Variants in KIAA0319L observed in about 807,000 individuals in gnomAD.
The protein encoded by KIAA0319L is dyslexia-associated protein KIAA0319-like protein.
Under a neutral mutation model 120.1 loss-of-function variants are expected in KIAA0319L, and 55 were observed. That is an observed-to-expected ratio of 0.46 (90% CI 0.37 to 0.57). The LOEUF is 0.57. Among genes scored for constraint, KIAA0319L ranks in the 20% least tolerant of loss-of-function variants. The pLI, the probability that KIAA0319L is intolerant of heterozygous loss-of-function variation, is 0.00. For missense variants in KIAA0319L, 1,049 were observed against 1,255.3 expected (o/e 0.84, Z 2.48); for synonymous variants, 398 against 471.9 (o/e 0.84, Z 2.03).
At chr1:35,545,114 G>A (rs149226107) in intron 2 of KIAA0319L, among the ~76,000 whole-genome samples, 10 of 152,114 alleles carry the variant, frequency 6.6e-5, no homozygotes, top group Non-Finnish European at 1.3e-4. Flanking sequence ...CCAGTCCGTG[G>A]CTAGACTACA....
At chr1:35,448,361 TTAGAAG>T (rs759375071) in intron 15 of KIAA0319L, 29 bp from the exon 16 acceptor site, 10 of 1,604,814 alleles carry the variant, frequency 6.2e-6, no homozygotes, top group Middle Eastern at 1.7e-4. Flanking sequence ...AGTCATGGCT[TTAGAAG>T]TAGGAGAGTA....
intron 3 of KIAA0319L, among the ~76,000 whole-genome samples, chr1:35,490,151 C>T (rs534063990): frequency 5.6e-4 from 85 of 152,282 alleles, no homozygotes; most frequent in Non-Finnish European, 1.1e-3. Context: ...CCCTGTAGTT[C>T]TCTTGATTAC....
chr1:35,486,175 G>A (rs895008008), intron 3 of KIAA0319L, among the ~76,000 whole-genome samples: 26 of 152,132 alleles, frequency 1.7e-4, no homozygotes, highest in South Asian at 2.1e-4. Context: ...CTGAGCCCAC[G>A]AGTTTTTCAA....
chr1:35,554,361 C>A lies in KIAA0319L; in HGVS notation c.131G>T (p.Trp44Leu). The change falls in exon 2 of 21, where the codon TGG becomes TTG. Residue 44 changes from tryptophan (W) to leucine (L), a missense_variant. By Grantham distance (61) the Trp-to-Leu change is moderately conservative. Transcript: ENST00000325722. ...FYTCFCFSVL[W>L]LSTDASESRC... ...AAAGAAAATAGTACCTGTTGACAAC[C>A]ACAGAACGCTGAAGCAAAAGCAAGT... The A allele has an allele frequency of 1.3e-6, 2 of 1,593,108 alleles. No homozygotes were observed. Among genetic ancestry groups the A allele is most frequent in the East Asian group, 2.3e-5 (1 of 44,162 alleles).
chr1:35,510,739 T>C (rs1214083728), intron 2 of KIAA0319L, among the ~76,000 whole-genome samples: 1 of 151,954 alleles, frequency 6.6e-6, no homozygotes, highest in East Asian at 1.9e-4. Context: ...CCCAAGATGC[T>C]AGGACTACAG....
At position 35,462,641 on chromosome 1, in the gene KIAA0319L, G is replaced by A. The variant is rs1222396068; in HGVS notation, c.1274C>T (p.Ser425Phe). Residue 425 changes from serine (S) to phenylalanine (F), a missense_variant, in exon 8 of 21, where the codon TCT becomes TTT. By Grantham distance (155) the Ser-to-Phe change is radical. Coordinates refer to ENST00000325722, the MANE Select transcript of KIAA0319L (RefSeq NM_024874.5). The stretch of plus-strand genomic sequence containing the variant: ...CTCACGACTGCCATCAATGACTGTA[G>A]AAGTGGTTGGCAAAGAGATCTCCTG... ...QFQEISLPTTSTVIDGSQSTD... is the reference protein window; with the variant it reads ...QFQEISLPTTFTVIDGSQSTD... 1.9e-6 allele frequency: 3 copies of A among 1,613,284 alleles called. No individual in the cohort carries two copies. Among genetic ancestry groups the A allele is most frequent in the Non-Finnish European group, 2.5e-6 (3 of 1,179,340 alleles).
chr1:35,470,431 T>A (rs2149123987), intron 6 of KIAA0319L, among the ~76,000 whole-genome samples: 1 of 142,930 alleles, frequency 7.0e-6, no homozygotes, highest in Non-Finnish European at 1.5e-5. Context: ...AAGTCAAGAC[T>A]GCAGTGAGCC....
At chr1:35,539,962 A>T (rs1414201161) in intron 2 of KIAA0319L, among the ~76,000 whole-genome samples, 1 of 152,220 alleles carries the variant, frequency 6.6e-6, no homozygotes, top group Non-Finnish European at 1.5e-5. Flanking sequence ...CATTCCCCTT[A>T]TTACCTAAAA....
At chr1:35,515,019 A>C (rs1353320406) in intron 2 of KIAA0319L, among the ~76,000 whole-genome samples, 1 of 152,190 alleles carries the variant, frequency 6.6e-6, no homozygotes, top group African/African-American at 2.4e-5. Context: ...AATGCAAAAG[A>C]ACCAAAACTA....
Position 35,557,342 on chromosome 1 carries a change from C to T in KIAA0319L, c.-164G>A, listed in dbSNP as rs1018299653. On this transcript the variant is annotated 5_prime_UTR_variant, in exon 1 of 21. Coordinates refer to ENST00000325722, the MANE Select transcript of KIAA0319L (RefSeq NM_024874.5). ...AGGAAGAGGAAGAAGGTAGTGCGGG[C>T]TCCCCACCCGGACAGCTACCTCTCG... The T allele has an allele frequency of 3.6e-6, 1 of 279,148 alleles. No individual in the cohort carries two copies. Among genetic ancestry groups the T allele is most frequent in the South Asian group, 2.8e-5 (1 of 35,884 alleles). 17.3% of individuals were successfully genotyped at this position (279,148 alleles called of 1,614,324 possible).
At chr1:35,524,634 T>G (rs1646049493) in intron 2 of KIAA0319L, among the ~76,000 whole-genome samples, 1 of 152,214 alleles carries the variant, frequency 6.6e-6, no homozygotes, top group Non-Finnish European at 1.5e-5. Flanking sequence ...TCTGACAAAC[T>G]GGATCCTTTG....
At chr1:35,534,858 C>CAAAAAAAAAAAAAAAAAA (rs779838672) in intron 2 of KIAA0319L, among the ~76,000 whole-genome samples, 1 of 42,622 alleles carries the variant, frequency 2.3e-5, no homozygotes, top group Non-Finnish European at 5.5e-5. Flanking sequence ...GACTCCGTCT[C>CAAAAAAAAAAAAAAAAAA]AAAAAAAAAA....
At position 35,554,350 on chromosome 1, in the gene KIAA0319L, C is replaced by CT; in HGVS notation, c.141dup (p.Asp48ArgfsTer4). On this transcript the variant is annotated frameshift_variant and splice_region_variant, in exon 2 of 21. Transcript: ENST00000325722. LOFTEE classifies it high-confidence loss of function. ...CTTAAATCTATAAAGAAAATAGTAC[C>CT]TGTTGACAACCACAGAACGCTGAAG... The CT allele has an allele frequency of 1.9e-6, 3 of 1,562,820 alleles. No individual in the cohort carries two copies. Among genetic ancestry groups the CT allele is most frequent in the Non-Finnish European group, 2.6e-6 (3 of 1,161,768 alleles).
At chr1:35,501,591 G>C (rs1645006707) in intron 3 of KIAA0319L, among the ~76,000 whole-genome samples, 1 of 152,036 alleles carries the variant, frequency 6.6e-6, no homozygotes, top group African/African-American at 2.4e-5. Context: ...CCAGTAAGAG[G>C]ACAGGCCAGG....
intron 3 of KIAA0319L, among the ~76,000 whole-genome samples, chr1:35,495,516 G>A (rs1644766980): frequency 6.6e-6 from 1 of 151,148 alleles, no homozygotes; most frequent in African/African-American, 2.4e-5. Context: ...GAAAGACACT[G>A]CTAAGAGAAT....
intron 2 of KIAA0319L, among the ~76,000 whole-genome samples, chr1:35,550,030 T>A (rs1647141272): frequency 6.6e-6 from 1 of 152,190 alleles, no homozygotes; most frequent in African/African-American, 2.4e-5. Context: ...CAAAACACTA[T>A]TTTTCAAGCC....
intron 3 of KIAA0319L, among the ~76,000 whole-genome samples, chr1:35,479,589 C>T (rs539266865): frequency 2.8e-4 from 43 of 152,190 alleles, no homozygotes; most frequent in Admixed American, 2.8e-3. Context: ...TCGTTGAGCA[C>T]TGAAAGCATA....
rs750698281 is a variant in KIAA0319L, at chr1:35,434,916, C to T, written c.3128G>A (p.Ser1043Asn). Residue 1043 changes from serine to asparagine, a missense_variant, in exon 21 of 21, where the codon AGC becomes AAC. Coordinates refer to ENST00000325722, the MANE Select transcript of KIAA0319L (RefSeq NM_024874.5). ...PNGQTPLKAR[S>N]PREEIL ...TGGCTACAGGATCTCCTCCCGCGGG[C>T]TCCTGGCCTTCAGAGGGGTCTGCCC... The T allele has an allele frequency of 1.2e-6, 2 of 1,613,074 alleles. No individual in the cohort carries two copies. The highest frequency in any genetic ancestry group is 2.2e-5 in the East Asian group (1 of 44,864).
chr1:35,466,075 C>T (rs552045549), intron 7 of KIAA0319L, among the ~76,000 whole-genome samples: 13 of 152,280 alleles, frequency 8.5e-5, no homozygotes, highest in African/African-American at 2.9e-4. Flanking sequence ...TCTTAAATTT[C>T]TCTGAAAATG....
Sources: gnomAD v4.1 joint callset for allele counts (sites outside exome capture counted in the v4.1 genomes callset) on GRCh38, gnomAD v4.1.1 for gene constraint, MANE v1.5 for transcripts, NCBI Gene and HGNC (gene_info 2026-07-23, HGNC 2026-07-21) for gene names.